Variants in PMPCB observed in about 807,000 individuals in gnomAD.
The protein encoded by PMPCB is peptidase, mitochondrial processing subunit beta.
Under a neutral mutation model 61.5 loss-of-function variants are expected in PMPCB, and 46 were observed. The ratio of observed to expected loss-of-function variants is 0.75; its 90% CI spans 0.59 to 0.96. PMPCB has a LOEUF of 0.96. Among genes scored for constraint, PMPCB ranks in the 40% least tolerant of loss-of-function variants. PMPCB has a pLI of 0.00. For missense variants in PMPCB, 590 were observed against 602.4 expected, an observed-to-expected ratio of 0.98 and a Z score of 0.22; for synonymous variants, 191 against 201.6, an observed-to-expected ratio of 0.95 and a Z score of 0.44.
chr7:103,322,448 TTAAAG>T (rs1818473237), intron 12 of PMPCB: 1 of 1,365,946 alleles, frequency 7.3e-7, no homozygotes, highest in Non-Finnish European at 9.9e-7. Flanking sequence ...GATGTGAAGA[TTAAAG>T]TGAAGATTAA....
At chr7:103,342,355 G>A in the PMPCB span, among the ~76,000 whole-genome samples, 33 of 151,616 alleles carry the variant, frequency 2.2e-4, no homozygotes, top group Non-Finnish European at 3.8e-4. Context: ...GCCCAGGCTG[G>A]AATGCAATGG....
the PMPCB span, among the ~76,000 whole-genome samples, chr7:103,347,224 T>G: frequency 6.6e-6 from 1 of 152,200 alleles, no homozygotes; most frequent in Admixed American, 6.5e-5. Flanking sequence ...TTTTTGCTTG[T>G]TTTTTAATAA....
intron 8 of PMPCB, 127 bp downstream of exon 8, chr7:103,309,222 T>A: frequency 1.5e-6 from 1 of 672,540 alleles, no homozygotes; most frequent in Non-Finnish European, 2.2e-6. Flanking sequence ...AATTCTGACT[T>A]AAAAATATAA....
chr7:103,344,281 G>A, the PMPCB span: 1 of 524,526 alleles, frequency 1.9e-6, no homozygotes, highest in Admixed American at 3.5e-5. Flanking sequence ...GTGCTGGGGG[G>A]TTCCGTCCCG....
chr7:103,308,395 G>A (rs774221775), intron 7 of PMPCB, among the ~76,000 whole-genome samples: 2 of 152,220 alleles, frequency 1.3e-5, no homozygotes, highest in Admixed American at 1.3e-4. Flanking sequence ...GCTGAGGCGA[G>A]TGTGTCACTT....
chr7:103,321,631 T>C (rs1818420935), intron 12 of PMPCB, among the ~76,000 whole-genome samples: 1 of 151,736 alleles, frequency 6.6e-6, no homozygotes, highest in African/African-American at 2.4e-5. Context: ...GGAGATCACT[T>C]GAGGTCAGGA....
At chr7:103,315,168 CATTT>C (rs1388220438), downstream of PMPCB, among the ~76,000 whole-genome samples, 1 of 87,268 alleles carries the variant, frequency 1.1e-5, no homozygotes, top group Non-Finnish European at 3.3e-5. Flanking sequence ...CAAACCCTAA[CATTT>C]TTTTTTTTTT....
intron 12 of PMPCB, among the ~76,000 whole-genome samples, chr7:103,323,167 T>C (rs1261830607): frequency 1.3e-5 from 2 of 152,166 alleles, no homozygotes; most frequent in Non-Finnish European, 2.9e-5. Context: ...TGACCTCAGG[T>C]GATCTGCCCG....
chr7:103,335,062 G>A, the PMPCB span, among the ~76,000 whole-genome samples: 1 of 152,166 alleles, frequency 6.6e-6, no homozygotes, highest in South Asian at 2.1e-4. Flanking sequence ...TCGAACTCCT[G>A]ACCTCAGGTG....
downstream of PMPCB, chr7:103,319,479 C>T: frequency 1.0e-6 from 1 of 959,250 alleles, no homozygotes. Flanking sequence ...ACAACAACAA[C>T]AAAACAGTGG....
chr7:103,312,687 A>G lies in PMPCB; in HGVS notation c.*416A>G. On this transcript the variant is annotated 3_prime_UTR_variant, in exon 13 of 13. Coordinates refer to ENST00000249269, the MANE Select transcript of PMPCB (RefSeq NM_004279.3). ...GTGATTTAAGAAGTTGCGATTTAAA[A>G]ACAGACATTTTAATCTAGTGTTTGG... 6.2e-7 allele frequency: 1 copy of G among 1,604,308 alleles called. No homozygotes were observed. The highest frequency in any genetic ancestry group is 8.5e-7 in the Non-Finnish European group (1 of 1,177,604).
chr7:103,315,458 A>C (rs1375977329), downstream of PMPCB, among the ~76,000 whole-genome samples: 1 of 152,168 alleles, frequency 6.6e-6, no homozygotes, highest in Admixed American at 6.6e-5. Context: ...TCTCAAAATC[A>C]AGCAATTATC....
chr7:103,317,657 T>C (rs959018088), downstream of PMPCB, among the ~76,000 whole-genome samples: 8 of 152,132 alleles, frequency 5.3e-5, no homozygotes, highest in African/African-American at 1.9e-4. Flanking sequence ...TTTTTCTTTC[T>C]TTCTTACTTT....
At chr7:103,311,477 G>A in intron 9 of PMPCB, 166 bp from the exon 10 acceptor site, 1 of 603,480 alleles carries the variant, frequency 1.7e-6, no homozygotes, top group Non-Finnish European at 2.9e-6. Flanking sequence ...TATCATTTTT[G>A]AGAAATTAAT....
Position 103,314,417 on chromosome 7 carries a change from C to G in PMPCB, c.*2146C>G, listed in dbSNP as rs968854162. ...AAAAGAGGCAAAGGAGTCATACCCA[C>G]ATAGCACTACTGCCAGTCACTCTTG... On this transcript the variant is annotated 3_prime_UTR_variant, in exon 13 of 13. Coordinates refer to ENST00000249269, the MANE Select transcript of PMPCB (RefSeq NM_004279.3). 1.5e-5 allele frequency: 15 copies of G among 985,316 alleles called. No homozygotes were observed. The African/African-American group carries it at 2.4e-4, about 16-fold the overall frequency. 61.0% of individuals were successfully genotyped at this position (985,316 alleles called of 1,614,324 possible).
chr7:103,308,203 G>T (rs1658975798), intron 7 of PMPCB, among the ~76,000 whole-genome samples: 1 of 152,204 alleles, frequency 6.6e-6, no homozygotes, highest in Non-Finnish European at 1.5e-5. Flanking sequence ...TGCTTAGTTT[G>T]CCATGTTGAG....
At chr7:103,344,240 G>T in the PMPCB span, 1 of 381,104 alleles carries the variant, frequency 2.6e-6, no homozygotes, top group Non-Finnish European at 4.7e-6. Context: ...TCCACCGTAG[G>T]CAAGGAGATG....
At position 103,303,889 on chromosome 7, in the gene PMPCB, G is replaced by C. The variant is rs755548320; in HGVS notation, c.505G>C (p.Ala169Pro). The C allele has an allele frequency of 2.5e-6, 4 of 1,613,890 alleles. No homozygotes were observed. The highest frequency in any genetic ancestry group is 3.4e-6 in the Non-Finnish European group (4 of 1,179,798). Residue 169 changes from alanine to proline, a missense_variant, in exon 5 of 13, where the codon GCA becomes CCA. Transcript: ENST00000249269. ...DIIQNSTLGE[A>P]EIERERGVIL... ...AATACAAAACAGCACATTGGGAGAAGCAGAGATTGAACGTGAGCGTGGAGT... is the reference window on the plus strand; with the variant it reads ...AATACAAAACAGCACATTGGGAGAACCAGAGATTGAACGTGAGCGTGGAGT...
At position 103,312,551 on chromosome 7, in the gene PMPCB, C is replaced by G; in HGVS notation, c.*280C>G. 1.3e-6 allele frequency: 2 copies of G among 1,599,730 alleles called. No individual in the cohort carries two copies. The highest frequency in any genetic ancestry group is 1.7e-6 in the Non-Finnish European group (2 of 1,176,034). On this transcript the variant is annotated 3_prime_UTR_variant, in exon 13 of 13. Coordinates refer to ENST00000249269, the MANE Select transcript of PMPCB (RefSeq NM_004279.3). ...TATTTTCAGTTTTATTATAAAAATGCACACACAACAAAGATTGTCATTTCT... is the reference window on the plus strand; with the variant it reads ...TATTTTCAGTTTTATTATAAAAATGGACACACAACAAAGATTGTCATTTCT...
Sources: allele counts gnomAD v4.1 joint callset (sites outside exome capture counted in the v4.1 genomes callset), GRCh38; gene constraint gnomAD v4.1.1; transcripts MANE v1.5; gene names NCBI Gene and HGNC (gene_info 2026-07-23, HGNC 2026-07-21).